The following SNX8 variants were observed in gnomAD, a reference collection of about 807,000 sequenced individuals.
SNX8 encodes sorting nexin 8, also known as sorting nexin-8.
In SNX8, 25 loss-of-function variants were observed where a neutral mutation model predicts 51.6. That is an observed-to-expected ratio of 0.48 (90% CI 0.35 to 0.68). The LOEUF is 0.68. Among genes scored for constraint, SNX8 ranks in the 30% least tolerant of loss-of-function variants. The probability of loss-of-function intolerance (pLI) is 0.00; values close to 1 mark genes in which losing one functional copy is unlikely to be tolerated. For synonymous variants in SNX8, 324 were observed against 277.0 expected, an observed-to-expected ratio of 1.17 and a Z score of -1.68; for missense variants, 695 against 624.0, an observed-to-expected ratio of 1.11 and a Z score of -1.21.
At chr7:2,258,190 C>A (rs1476591583) in intron 7 of SNX8, among the ~76,000 whole-genome samples, 2 of 150,578 alleles carry the variant, frequency 1.3e-5, no homozygotes, top group African/African-American at 5.0e-5. Context: ...TTTTGTATTT[C>A]TTTTTTTAGT....
chr7:2,262,930 G>A (rs544710273), intron 7 of SNX8, among the ~76,000 whole-genome samples: 168 of 152,248 alleles, frequency 1.1e-3, no homozygotes, highest in Non-Finnish European at 2.0e-3. Flanking sequence ...CCAGCCTGAC[G>A]AACATGGTGA....
intron 1 of SNX8, among the ~76,000 whole-genome samples, chr7:2,349,061 T>C (rs1167577359): frequency 1.3e-5 from 2 of 149,068 alleles, no homozygotes; most frequent in African/African-American, 5.0e-5. Flanking sequence ...TAAAAAAGCC[T>C]GGTGAGGTGG....
intron 1 of SNX8, among the ~76,000 whole-genome samples, chr7:2,297,244 A>G (rs758748513): frequency 2.0e-5 from 3 of 151,718 alleles, no homozygotes; most frequent in African/African-American, 7.3e-5. Context: ...CACCCAAAAG[A>G]AAAGAAATAA....
In SNX8 at chr7:2,329,471, C is replaced by G. The variant is rs540224731; in HGVS notation, c.-66+24751G>C. ...TTTTTCGTGCGGGGGCTCTTGGCTC[C>G]TAACTCCATGGTCCTTGCTACAGTG... On this transcript the variant is annotated intron_variant, in intron 1 of 5. Transcript: ENST00000435336. 5.3e-4 allele frequency among the ~76,000 whole-genome samples: 80 copies of G among 152,246 alleles called. 1 individual carries two copies. The highest frequency in any genetic ancestry group is 1.7e-3 in the African/African-American group (69 of 41,548).
chr7:2,333,782 A>C (rs1778779341), intron 1 of SNX8, among the ~76,000 whole-genome samples: 1 of 152,226 alleles, frequency 6.6e-6, no homozygotes, highest in Admixed American at 6.5e-5. Context: ...GAAAAAAATG[A>C]ACCTCAATTC....
intron 1 of SNX8, among the ~76,000 whole-genome samples, chr7:2,291,983 G>A (rs2115168223): frequency 1.3e-5 from 2 of 152,322 alleles, no homozygotes; most frequent in Non-Finnish European, 2.9e-5. Flanking sequence ...ATGAGGCATG[G>A]CTGGGCGCAC....
chr7:2,266,135 G>C (rs1584675392), intron 5 of SNX8, among the ~76,000 whole-genome samples: 4 of 152,066 alleles, frequency 2.6e-5, no homozygotes, highest in Admixed American at 2.0e-4. Flanking sequence ...AAATAAAATA[G>C]ATTTTTAATT....
intron 1 of SNX8, among the ~76,000 whole-genome samples, chr7:2,282,989 C>A (rs78303114): frequency 0.15 from 22,844 of 150,156 alleles, 1,961 homozygotes; most frequent in Middle Eastern, 0.25. Flanking sequence ...GGCGTGGTGG[C>A]GGAAGCCTGT....
At chr7:2,321,572 G>A (rs1026393712) in intron 1 of SNX8, among the ~76,000 whole-genome samples, 5 of 150,708 alleles carry the variant, frequency 3.3e-5, no homozygotes, top group East Asian at 3.9e-4. Context: ...AATAACAGGC[G>A]CCCGCCACTA....
intron 5 of SNX8, among the ~76,000 whole-genome samples, chr7:2,268,548 TGG>T (rs767631836): frequency 8.6e-6 from 1 of 116,112 alleles, no homozygotes; most frequent in Non-Finnish European, 1.8e-5. Context: ...GGGAGGGAGG[TGG>T]GGGGGTCAGC....
At chr7:2,294,595 A>C (rs963493125) in intron 1 of SNX8, among the ~76,000 whole-genome samples, 3 of 152,174 alleles carry the variant, frequency 2.0e-5, no homozygotes, top group African/African-American at 7.2e-5. Context: ...GTACCAGGCT[A>C]CTCAGTGACA....
chr7:2,258,160 T>G (rs374409448), intron 7 of SNX8, among the ~76,000 whole-genome samples: 2,290 of 152,094 alleles, frequency 0.015, 49 homozygotes, highest in African/African-American at 0.051. Flanking sequence ...ACAGGCGCCC[T>G]CCACCATGCC....
chr7:2,314,386 A>G lies in SNX8; in HGVS notation c.36T>C (p.Ala12=), dbSNP rs1796719415. The G allele has an allele frequency of 8.2e-7, 1 of 1,221,364 alleles. No homozygotes were observed. Among genetic ancestry groups the G allele is most frequent in the Non-Finnish European group, 1.0e-6 (1 of 980,924 alleles). 75.7% of individuals were successfully genotyped at this position (1,221,364 alleles called of 1,614,324 possible). A position where few individuals can be genotyped will look rare whatever the true frequency, so the allele number is the denominator to read the frequency against. ...TGRAMDPLPA[A]AVGAAAEAEA... Reference sequence around the variant, plus strand: ...CCGCCTCAGCTGCCGCCCCGACTGCAGCCGCGGGCAGCGGGTCCATCGCGC... The same window carrying G: ...CCGCCTCAGCTGCCGCCCCGACTGCGGCCGCGGGCAGCGGGTCCATCGCGC... Residue 12 remains alanine, a synonymous_variant, in exon 1 of 11, where the codon GCT becomes GCC. Transcript: ENST00000222990.
intron 1 of SNX8, among the ~76,000 whole-genome samples, chr7:2,331,425 G>C (rs2115235727): frequency 6.6e-6 from 1 of 151,324 alleles, no homozygotes; most frequent in East Asian, 2.0e-4. Flanking sequence ...AGAATAAATA[G>C]GCCAGGCGCG....
At chr7:2,345,418 T>G (rs1705708442) in intron 1 of SNX8, among the ~76,000 whole-genome samples, 1 of 151,802 alleles carries the variant, frequency 6.6e-6, no homozygotes, top group Admixed American at 6.6e-5. Context: ...GCTCACATAC[T>G]TGTAATCCCA....
In SNX8 at chr7:2,284,690, C is replaced by T. The variant is rs149050071; in HGVS notation, c.95-6385G>A. On this transcript the variant is annotated intron_variant, in intron 1 of 10. Transcript: ENST00000222990. ...AAGTGCTGGGATTACAGGCGTGAGC[C>T]ACTGTGCCTGGCCTATTGCTTTTAT... Among the ~76,000 whole-genome samples the T allele has an allele frequency of 1.3e-3, 200 of 151,988 alleles. 1 individual carries two copies. In the East Asian group the frequency reaches 0.025, roughly 19 times the overall value.
chr7:2,346,541 A>G (rs1439739192), intron 1 of SNX8, among the ~76,000 whole-genome samples: 1 of 151,518 alleles, frequency 6.6e-6, no homozygotes, highest in Non-Finnish European at 1.5e-5. Flanking sequence ...AGGTCAGGAG[A>G]TCGAGACCAT....
chr7:2,285,160 C>T (rs943853542), intron 1 of SNX8, among the ~76,000 whole-genome samples: 4 of 145,332 alleles, frequency 2.8e-5, no homozygotes, highest in Admixed American at 2.2e-4. Context: ...TGCAGTGAGC[C>T]GAGATGGCGC....
At chr7:2,256,729 C>A in intron 10 of SNX8, 145 bp downstream of exon 10, 1 of 704,080 alleles carries the variant, frequency 1.4e-6, no homozygotes, top group Non-Finnish European at 2.2e-6. Context: ...CGGGCGAGCA[C>A]CGTGTTCCAA....
Sources: allele counts gnomAD v4.1 joint callset (sites outside exome capture counted in the v4.1 genomes callset), GRCh38; gene constraint gnomAD v4.1.1; transcripts MANE v1.5; gene names NCBI Gene and HGNC (gene_info 2026-07-23, HGNC 2026-07-21).